RBPJ: variants seen among roughly 807,000 people sequenced by gnomAD.
RBPJ encodes the protein recombining binding protein suppressor of hairless.
Under a neutral mutation model 67.8 loss-of-function variants are expected in RBPJ, and 9 were observed. That is an observed-to-expected ratio of 0.13 (90% CI 0.08 to 0.23). RBPJ has a LOEUF of 0.23. Among genes scored for constraint, RBPJ ranks in the 10% least tolerant of loss-of-function variants. RBPJ has a pLI of 1.00. For missense variants in RBPJ, 305 were observed against 595.6 expected (o/e 0.51, Z 5.08); for synonymous variants, 198 against 203.3 (o/e 0.97, Z 0.22).
intron 1 of RBPJ, among the ~76,000 whole-genome samples, chr4:26,370,633 T>C (rs1035171443): frequency 1.3e-5 from 2 of 152,216 alleles, no homozygotes; most frequent in Non-Finnish European, 2.9e-5. Flanking sequence ...AGTGGCACCA[T>C]GCTTCATTAA....
chr4:26,403,896 T>A (rs1733109647), intron 2 of RBPJ, among the ~76,000 whole-genome samples: 1 of 152,218 alleles, frequency 6.6e-6, no homozygotes, highest in Non-Finnish European at 1.5e-5. Flanking sequence ...TCTGGGTGTA[T>A]ACCCAGTAAT....
At chr4:26,184,348 A>G (rs1263286567) in intron 1 of RBPJ, among the ~76,000 whole-genome samples, 3 of 152,096 alleles carry the variant, frequency 2.0e-5, no homozygotes, top group Admixed American at 6.6e-5. Context: ...TCCGACTGTA[A>G]CAGCAAGCAG....
intron 1 of RBPJ, among the ~76,000 whole-genome samples, chr4:26,258,239 T>C (rs1367317720): frequency 6.6e-6 from 1 of 152,250 alleles, no homozygotes; most frequent in African/African-American, 2.4e-5. Flanking sequence ...TTCCTGTCTC[T>C]CAACTTGCTC....
chr4:26,362,284 C>T (rs1183567337), intron 1 of RBPJ, among the ~76,000 whole-genome samples: 1 of 152,178 alleles, frequency 6.6e-6, no homozygotes, highest in Non-Finnish European at 1.5e-5. Flanking sequence ...AGGACTGTCA[C>T]TCTATTCCTC....
intron 1 of RBPJ, among the ~76,000 whole-genome samples, chr4:26,356,671 T>C (rs1166959561): frequency 6.6e-6 from 1 of 152,222 alleles, no homozygotes; most frequent in East Asian, 1.9e-4. Flanking sequence ...TAGTATTCCA[T>C]ATCCATAATA....
chr4:26,170,396 C>G (rs557012837), intron 1 of RBPJ, among the ~76,000 whole-genome samples: 12 of 152,034 alleles, frequency 7.9e-5, no homozygotes, highest in Middle Eastern at 3.4e-3. Context: ...CAAAAATTAG[C>G]TGGGTATTGT....
intron 1 of RBPJ, among the ~76,000 whole-genome samples, chr4:26,381,385 T>C (rs1656155434): frequency 6.6e-6 from 1 of 152,104 alleles, no homozygotes; most frequent in Non-Finnish European, 1.5e-5. Flanking sequence ...GGAACCTCAA[T>C]ACTATTTACA....
chr4:26,316,821 A>G (rs773624615), upstream of RBPJ, among the ~76,000 whole-genome samples: 119 of 121,414 alleles, frequency 9.8e-4, no homozygotes, highest in Non-Finnish European at 1.5e-3. Context: ...GGTCTAACCC[A>G]GACGACTTTT....
intron 1 of RBPJ, among the ~76,000 whole-genome samples, chr4:26,195,389 A>T (rs1426739798): frequency 6.6e-6 from 1 of 152,162 alleles, no homozygotes; most frequent in Non-Finnish European, 1.5e-5. Flanking sequence ...ATTATTCAGT[A>T]AGAAAAAGGA....
chr4:26,214,624 A>AGGG (rs1718572810), intron 1 of RBPJ, among the ~76,000 whole-genome samples: 2 of 73,562 alleles, frequency 2.7e-5, no homozygotes, highest in African/African-American at 1.5e-4. Flanking sequence ...GAAAAAGAAA[A>AGGG]AAGAGAAAGA....
At chr4:26,121,680 A>G in the RBPJ span, among the ~76,000 whole-genome samples, 1 of 152,194 alleles carries the variant, frequency 6.6e-6, no homozygotes, top group Non-Finnish European at 1.5e-5. Flanking sequence ...CAAAATGGAA[A>G]AAAAACAATT....
At chr4:26,409,477 A>T (rs1413587114) in intron 3 of RBPJ, among the ~76,000 whole-genome samples, 2 of 152,146 alleles carry the variant, frequency 1.3e-5, no homozygotes, top group Non-Finnish European at 2.9e-5. Context: ...ATTTAACCAT[A>T]TCTTTTATTG....
At chr4:26,291,407 C>G (rs1404299750) in intron 1 of RBPJ, among the ~76,000 whole-genome samples, 3 of 150,704 alleles carry the variant, frequency 2.0e-5, no homozygotes, top group African/African-American at 7.3e-5. Context: ...AGTCCAAGAA[C>G]AGTCTTAACA....
At chr4:26,181,370 C>T (rs1051058637) in intron 1 of RBPJ, among the ~76,000 whole-genome samples, 19 of 152,184 alleles carry the variant, frequency 1.2e-4, no homozygotes, top group African/African-American at 4.6e-4. Context: ...AAGAAGACCG[C>T]ATTCAGAACA....
At chr4:26,304,510 ATC>A (rs1248567501) in intron 1 of RBPJ, among the ~76,000 whole-genome samples, 1 of 152,222 alleles carries the variant, frequency 6.6e-6, no homozygotes, top group African/African-American at 2.4e-5. Context: ...ATTTGTCATT[ATC>A]TGTCTTTTGG....
At chr4:26,364,125 A>G (rs1163442500) in intron 1 of RBPJ, among the ~76,000 whole-genome samples, 4 of 152,222 alleles carry the variant, frequency 2.6e-5, no homozygotes, top group Admixed American at 6.5e-5. Context: ...TAAATAAATC[A>G]TGGGTAGATA....
intron 1 of RBPJ, among the ~76,000 whole-genome samples, chr4:26,262,707 C>G (rs1350890110): frequency 6.6e-6 from 1 of 152,150 alleles, no homozygotes; most frequent in African/African-American, 2.4e-5. Flanking sequence ...TAATGACTCC[C>G]AAGACTCTAT....
intron 1 of RBPJ, among the ~76,000 whole-genome samples, chr4:26,289,691 C>T (rs1253005899): frequency 6.6e-6 from 1 of 150,666 alleles, no homozygotes; most frequent in Non-Finnish European, 1.5e-5. Flanking sequence ...CATATTAACC[C>T]TGAATGTAAA....
intron 1 of RBPJ, among the ~76,000 whole-genome samples, chr4:26,297,848 AACC>A (rs1721935156): frequency 6.6e-6 from 1 of 152,078 alleles, no homozygotes; most frequent in Non-Finnish European, 1.5e-5. Context: ...AACAAAAAAA[AACC>A]ACCACCCAGA....
Sources: gnomAD v4.1 joint callset for allele counts (sites outside exome capture counted in the v4.1 genomes callset) on GRCh38, gnomAD v4.1.1 for gene constraint, MANE v1.5 for transcripts, NCBI Gene and HGNC (gene_info 2026-07-23, HGNC 2026-07-21) for gene names.